Variants in PRKCQ observed in about 807,000 individuals in gnomAD.
The protein encoded by PRKCQ is protein kinase C theta.
PRKCQ carries 41 observed loss-of-function variants against 91.2 expected under a neutral mutation model. That is an observed-to-expected ratio of 0.45 (90% CI 0.35 to 0.58). The LOEUF (loss-of-function observed/expected upper bound fraction) is 0.58. PRKCQ is among the 20% of genes least tolerant of loss of function. The probability of loss-of-function intolerance (pLI) is 0.00; values close to 1 mark genes in which losing one functional copy is unlikely to be tolerated. For missense variants in PRKCQ, 673 were observed against 896.5 expected, an observed-to-expected ratio of 0.75 and a Z score of 3.18; for synonymous variants, 307 against 316.9, an observed-to-expected ratio of 0.97 and a Z score of 0.33.
chr10:6,487,041 G>A (rs998819238), intron 8 of PRKCQ, among the ~76,000 whole-genome samples: 1 of 152,192 alleles, frequency 6.6e-6, no homozygotes, highest in Non-Finnish European at 1.5e-5. Flanking sequence ...AAAGCCACAG[G>A]CTTCACCAGT....
At chr10:6,439,152 G>A (rs576283085) in intron 16 of PRKCQ, among the ~76,000 whole-genome samples, 4 of 152,270 alleles carry the variant, frequency 2.6e-5, no homozygotes, top group African/African-American at 7.2e-5. Context: ...CTGTCTCCAC[G>A]TGGGTTTGCC....
At chr10:6,466,985 G>A (rs1025163262) in intron 12 of PRKCQ, among the ~76,000 whole-genome samples, 2 of 152,086 alleles carry the variant, frequency 1.3e-5, no homozygotes, top group South Asian at 4.1e-4. Context: ...TGTGAAATGG[G>A]GTAGTAATAC....
chr10:6,570,177 G>T (rs114721101), intron 1 of PRKCQ, among the ~76,000 whole-genome samples: 1 of 152,094 alleles, frequency 6.6e-6, no homozygotes, highest in Non-Finnish European at 1.5e-5. Context: ...AGAACTCCAC[G>T]GGAATCGGCC....
chr10:6,406,751 C>T, the PRKCQ span, among the ~76,000 whole-genome samples: 1 of 152,152 alleles, frequency 6.6e-6, no homozygotes, highest in African/African-American at 2.4e-5. Flanking sequence ...GAATGGCTCA[C>T]CGTCATTACC....
chr10:6,551,371 A>G (rs1331711673), intron 1 of PRKCQ, among the ~76,000 whole-genome samples: 1 of 150,512 alleles, frequency 6.6e-6, no homozygotes, highest in Non-Finnish European at 1.5e-5. Flanking sequence ...TCCATGGTGC[A>G]TATGTACCAC....
chr10:6,417,877 G>T, the PRKCQ span, among the ~76,000 whole-genome samples: 1 of 152,176 alleles, frequency 6.6e-6, no homozygotes, highest in Non-Finnish European at 1.5e-5. Context: ...TCTCAACAGT[G>T]CTTGCTCCCA....
intron 1 of PRKCQ, among the ~76,000 whole-genome samples, chr10:6,562,410 G>T (rs1034990115): frequency 2.0e-5 from 3 of 152,312 alleles, no homozygotes; most frequent in Non-Finnish European, 2.9e-5. Context: ...TCAGGGCCCA[G>T]CAGAGAATGC....
At chr10:6,505,937 T>C (rs1292156664) in intron 4 of PRKCQ, among the ~76,000 whole-genome samples, 1 of 152,180 alleles carries the variant, frequency 6.6e-6, no homozygotes, top group Non-Finnish European at 1.5e-5. Flanking sequence ...TGAGCCACCA[T>C]GCCCAGACAA....
At position 6,437,894 on chromosome 10, in the gene PRKCQ, C is replaced by T. The variant is rs11817247; in HGVS notation, c.1836+3999G>A. Among the ~76,000 whole-genome samples, 351 of 152,222 alleles carry T rather than the reference C, an allele frequency of 2.3e-3. 1 individual carries two copies. Among genetic ancestry groups the T allele is most frequent in the African/African-American group, 8.1e-3 (335 of 41,542 alleles). The stretch of plus-strand genomic sequence containing the variant: ...GGTCTGGATCTCCTGACCTCATGAC[C>T]CGCCCATCTCGGCCTCCCAAAGTGC... On this transcript the variant is annotated intron_variant, in intron 16 of 17. Coordinates refer to ENST00000263125, the MANE Select transcript of PRKCQ (RefSeq NM_006257.5).
intron 1 of PRKCQ, among the ~76,000 whole-genome samples, chr10:6,533,882 A>T (rs1210376637): frequency 6.6e-6 from 1 of 152,242 alleles, no homozygotes; most frequent in East Asian, 1.9e-4. Context: ...ATATTCATCC[A>T]GAAATAAAAC....
At chr10:6,490,280 A>G (rs1837212089) in intron 8 of PRKCQ, among the ~76,000 whole-genome samples, 1 of 152,130 alleles carries the variant, frequency 6.6e-6, no homozygotes, top group Non-Finnish European at 1.5e-5. Context: ...ATTGGGATGA[A>G]GAAGGGGAGA....
At chr10:6,479,492 T>C (rs1251964189) in intron 11 of PRKCQ, among the ~76,000 whole-genome samples, 2 of 152,104 alleles carry the variant, frequency 1.3e-5, no homozygotes, top group East Asian at 3.9e-4. Context: ...AAGTGCACAG[T>C]GAAGAAAGAA....
intron 16 of PRKCQ, among the ~76,000 whole-genome samples, chr10:6,436,166 A>G (rs1833687518): frequency 6.6e-6 from 1 of 151,992 alleles, no homozygotes; most frequent in Non-Finnish European, 1.5e-5. Flanking sequence ...GCTTCTTTAA[A>G]CTTTATTATC....
intron 1 of PRKCQ, among the ~76,000 whole-genome samples, chr10:6,556,633 C>G (rs1053331605): frequency 1.3e-5 from 2 of 149,048 alleles, no homozygotes; most frequent in African/African-American, 4.9e-5. Flanking sequence ...AATGCCACTG[C>G]ACTTTACACT....
chr10:6,426,216 G>A (rs538818567), downstream of PRKCQ, among the ~76,000 whole-genome samples: 1 of 151,678 alleles, frequency 6.6e-6, no homozygotes, highest in Non-Finnish European at 1.5e-5. Flanking sequence ...TTTAGATAGC[G>A]TCTTCACCGA....
intron 3 of PRKCQ, among the ~76,000 whole-genome samples, chr10:6,509,098 C>A (rs1037491366): frequency 1.1e-4 from 17 of 152,064 alleles, no homozygotes; most frequent in African/African-American, 3.6e-4. Flanking sequence ...AACAAAAAAA[C>A]CCACCAAAGC....
downstream of PRKCQ, among the ~76,000 whole-genome samples, chr10:6,425,165 C>G (rs547841317): frequency 9.2e-5 from 14 of 152,166 alleles, no homozygotes; most frequent in South Asian, 2.5e-3. Context: ...GTTCAAGTCT[C>G]CACTGGTCAA....
At chr10:6,456,938 A>T in intron 14 of PRKCQ, 126 bp from the exon 15 acceptor site, 1 of 938,656 alleles carries the variant, frequency 1.1e-6, no homozygotes, top group African/African-American at 1.7e-5. Context: ...GCGCTTATGT[A>T]TCTATCCACT....
chr10:6,488,686 C>T (rs771467464), intron 8 of PRKCQ, among the ~76,000 whole-genome samples: 1 of 152,144 alleles, frequency 6.6e-6, no homozygotes, highest in Non-Finnish European at 1.5e-5. Flanking sequence ...GCCCGGTCAA[C>T]TATTAACCAT....
Sources: gnomAD v4.1 joint callset for allele counts (sites outside exome capture counted in the v4.1 genomes callset) on GRCh38, gnomAD v4.1.1 for gene constraint, MANE v1.5 for transcripts, NCBI Gene and HGNC (gene_info 2026-07-23, HGNC 2026-07-21) for gene names.